Variants in SYN1 observed in about 807,000 individuals in gnomAD.
The protein encoded by SYN1 is synapsin I.
A neutral mutation model predicts 44.6 loss-of-function variants in SYN1; 8 were observed. That is an observed-to-expected ratio of 0.18 (90% confidence interval 0.11 to 0.32). The LOEUF (loss-of-function observed/expected upper bound fraction) is 0.32, where lower values mean the gene tolerates loss of function less well. Among genes scored for constraint, SYN1 ranks in the 10% least tolerant of loss-of-function variants. SYN1 has a pLI of 1.00. For synonymous variants in SYN1, 275 were observed against 280.1 expected (o/e 0.98, Z 0.18); for missense variants, 451 against 639.4 (o/e 0.71, Z 3.18).
In SYN1 at chrX:47,619,672, A is replaced by G; in HGVS notation, c.57T>C (p.Asn19=). Residue 19 remains asparagine, a synonymous_variant, in exon 1 of 13, where the codon AAT becomes AAC. Transcript: ENST00000295987. ...SDSNFMANLP[N]GYMTDLQRPQ... is the part of the protein sequence containing the mutation. ...GACGCTGCAGGTCTGTCATGTACCC[A>G]TTTGGCAGATTGGCCATAAAGTTGC... 8.6e-6 allele frequency: 10 copies of G among 1,168,577 alleles called. No individual in the cohort carries two copies. The highest frequency in any genetic ancestry group is 1.0e-5 in the Non-Finnish European group (9 of 873,244).
rs1479589627 is a variant in SYN1, at chrX:47,576,327, C to T, written c.1055+5G>A. Reference sequence around the variant, plus strand: ...CCCCTCACACCCTGAGTTCGGGCTGCCCACCTGTCAGACATGGCAATTTGC... The same window carrying T: ...CCCCTCACACCCTGAGTTCGGGCTGTCCACCTGTCAGACATGGCAATTTGC... On this transcript the variant is annotated splice_donor_5th_base_variant and intron_variant, in intron 8 of 12. Transcript: ENST00000295987. 2.5e-6 allele frequency: 3 copies of T among 1,210,086 alleles called. No homozygotes were observed. The highest frequency in any genetic ancestry group is 3.4e-6 in the Non-Finnish European group (3 of 895,120).
In SYN1 at chrX:47,609,584, A is replaced by G. The variant is rs184371053; in HGVS notation, c.378-2386T>C. 2.3e-3 allele frequency among the ~76,000 whole-genome samples: 263 copies of G among 112,188 alleles called. 1 individual carries two copies. Among genetic ancestry groups the G allele is most frequent in the African/African-American group, 8.1e-3 (250 of 30,897 alleles). ...TCTTTTTCCAGGGAACCCAACCTAA[A>G]ACAGTGGGCCATGGAAGTCAAACTA... On this transcript the variant is annotated intron_variant, in intron 1 of 12. Coordinates refer to ENST00000295987, the MANE Select transcript of SYN1 (RefSeq NM_006950.3).
rs149166420 is a variant in SYN1, at chrX:47,605,032, C to A, written c.720G>T (p.Gly240=). Residue 240 remains glycine (G), a synonymous_variant, in exon 5 of 13, where the codon GGG becomes GGT. Coordinates refer to ENST00000295987, the MANE Select transcript of SYN1 (RefSeq NM_006950.3). The part of the protein sequence containing the change: ...AQMVRLHKKL[G]TEEFPLIDQT... ...GATCAATTAGAGGGAATTCTTCTGT[C>A]CCCAGTTTCTTATGCAGTCGAACCA... 5.8e-6 allele frequency: 7 copies of A among 1,211,819 alleles called. No individual in the cohort carries two copies. Among genetic ancestry groups the A allele is most frequent in the Non-Finnish European group, 7.8e-6 (7 of 895,514 alleles).
At chrX:47,612,236 A>G (rs1211481594) in intron 1 of SYN1, among the ~76,000 whole-genome samples, 1 of 111,122 alleles carries the variant, frequency 9.0e-6, no homozygotes, top group Non-Finnish European at 1.9e-5. Flanking sequence ...ACGCCTTTTG[A>G]GAAAGACACC....
intron 5 of SYN1, among the ~76,000 whole-genome samples, chrX:47,604,136 C>T (rs1444508126): frequency 2.7e-5 from 3 of 109,925 alleles, no homozygotes; most frequent in Non-Finnish European, 3.8e-5. Flanking sequence ...CTCAAACTCC[C>T]GACCTCAGGT....
chrX:47,573,857 A>G (rs1479309273), intron 12 of SYN1, 145 bp downstream of exon 12: 2 of 493,927 alleles, frequency 4.0e-6, no homozygotes, highest in Non-Finnish European at 5.8e-6. Context: ...AGCTTGGGGG[A>G]AGGGCTTGGC....
At chrX:47,574,921 C>G in intron 10 of SYN1, 146 bp from the exon 11 acceptor site, 3 of 769,829 alleles carry the variant, frequency 3.9e-6, no homozygotes, top group Non-Finnish European at 5.8e-6. Flanking sequence ...GGGTGGGGGA[C>G]CTGTTCCCAG....
At chrX:47,594,969 C>T (rs1370043635) in intron 5 of SYN1, among the ~76,000 whole-genome samples, 2 of 111,075 alleles carry the variant, frequency 1.8e-5, no homozygotes, top group African/African-American at 3.3e-5. Context: ...TCAGGTGATC[C>T]GCCTGCCTCA....
chrX:47,594,212 C>T (rs1228854288), intron 5 of SYN1, among the ~76,000 whole-genome samples: 5 of 102,201 alleles, frequency 4.9e-5, no homozygotes, highest in Non-Finnish European at 9.8e-5. Flanking sequence ...CCAGCCTGGG[C>T]GACAGAGTCA....
intron 1 of SYN1, among the ~76,000 whole-genome samples, chrX:47,615,191 T>C (rs1314575525): frequency 8.9e-6 from 1 of 112,053 alleles, no homozygotes; most frequent in Non-Finnish European, 1.9e-5. Context: ...ATATAGAATG[T>C]CTTATATATT....
intron 5 of SYN1, among the ~76,000 whole-genome samples, chrX:47,591,493 G>T (rs2057847754): frequency 9.0e-6 from 1 of 110,774 alleles, no homozygotes; most frequent in Non-Finnish European, 1.9e-5. Context: ...GGCCGAGGCG[G>T]GTGGATCACC....
At chrX:47,583,311 C>T in intron 5 of SYN1, 1 of 732,540 alleles carries the variant, frequency 1.4e-6, no homozygotes, top group Non-Finnish European at 2.0e-6. Context: ...CCCTAATCCC[C>T]CCCATAGGCT....
Position 47,575,227 on chromosome X carries a change from G to A in SYN1, c.1206C>T (p.Asp402=), listed in dbSNP as rs1437174863. 1.7e-6 allele frequency: 2 copies of A among 1,207,267 alleles called. No homozygotes were observed. The highest frequency in any genetic ancestry group is 3.5e-5 in the African/African-American group (2 of 57,463). Residue 402 remains aspartate, a synonymous_variant, in exon 10 of 13, where the codon GAC becomes GAT. Coordinates refer to ENST00000295987, the MANE Select transcript of SYN1 (RefSeq NM_006950.3). ...MPLIGDHQDE[D]KQLIVELVVN... is the part of the protein sequence containing the mutation. ...CCACGAGCTCTACGATGAGCTGTTT[G>A]TCTTCATCCTGGTGGTCACCAATGA...
intron 5 of SYN1, among the ~76,000 whole-genome samples, chrX:47,592,070 C>T (rs2057849661): frequency 9.0e-6 from 1 of 111,692 alleles, no homozygotes; most frequent in South Asian, 3.7e-4. Flanking sequence ...CTGGACATGG[C>T]GGCTCATGCC....
rs750015031 is a variant in SYN1 at position 47,577,521 on chromosome X, G to A, written c.775-20C>T. ...GCTGAGCTGGTGGGGAAAAGGCAGAGGAGACATGCTCAGGGCAGAAAGGGT... is the reference window on the plus strand; with the variant it reads ...GCTGAGCTGGTGGGGAAAAGGCAGAAGAGACATGCTCAGGGCAGAAAGGGT... On this transcript the variant is annotated intron_variant, in intron 5 of 12. Transcript: ENST00000295987. 51 of 1,195,326 alleles carry A rather than the reference G, an allele frequency of 4.3e-5. No homozygotes were observed. The highest frequency in any genetic ancestry group is 5.5e-5 in the Non-Finnish European group (49 of 886,823).
intron 1 of SYN1, among the ~76,000 whole-genome samples, chrX:47,609,901 C>G (rs1426586522): frequency 5.4e-5 from 6 of 111,303 alleles, no homozygotes; most frequent in African/African-American, 2.0e-4. Context: ...GTAGCGGTGA[C>G]TTTTCCTGAT....
At chrX:47,609,449 A>C (rs1028811738) in intron 1 of SYN1, among the ~76,000 whole-genome samples, 3 of 112,279 alleles carry the variant, frequency 2.7e-5, no homozygotes, top group Non-Finnish European at 5.6e-5. Flanking sequence ...CCCTAAGGCA[A>C]CTACATCTTG....
intron 5 of SYN1, chrX:47,583,442 T>G: frequency 8.3e-7 from 1 of 1,207,746 alleles, no homozygotes; most frequent in Admixed American, 2.2e-5. Context: ...CCCTGGCTTC[T>G]GGCATCCTGT....
intron 5 of SYN1, among the ~76,000 whole-genome samples, chrX:47,598,781 C>T (rs2057871292): frequency 2.7e-5 from 3 of 111,159 alleles, no homozygotes; most frequent in Non-Finnish European, 1.9e-5. Context: ...GAGCCGAGAT[C>T]GTGCCACTGC....
Sources: gnomAD v4.1 joint callset for allele counts (sites outside exome capture counted in the v4.1 genomes callset) on GRCh38, gnomAD v4.1.1 for gene constraint, MANE v1.5 for transcripts, NCBI Gene and HGNC (gene_info 2026-07-23, HGNC 2026-07-21) for gene names.